The following SRGAP2 variants were observed in gnomAD, a reference collection of about 807,000 sequenced individuals.
SRGAP2 encodes SLIT-ROBO Rho GTPase activating protein 2.
SRGAP2 carries 15 observed loss-of-function variants against 57.2 expected under a neutral mutation model. The ratio of observed to expected loss-of-function variants is 0.26; its 90% CI spans 0.18 to 0.40. The LOEUF (loss-of-function observed/expected upper bound fraction) is 0.40. Ranked by LOEUF, SRGAP2 falls within the 10% of genes least tolerant of loss-of-function variation. The probability of loss-of-function intolerance (pLI) is 1.00; values close to 1 mark genes in which losing one functional copy is unlikely to be tolerated. For missense variants in SRGAP2, 520 were observed against 669.6 expected (o/e 0.78, Z 2.47); for synonymous variants, 249 against 248.0 (o/e 1.00, Z -0.04).
rs541550937 is a variant in SRGAP2 at position 206,434,912 on chromosome 1, T to G, written c.1556-2053T>G. Among the ~76,000 whole-genome samples the G allele has an allele frequency of 5.2e-4, 79 of 152,386 alleles. No individual in the cohort carries two copies. In the Middle Eastern group the frequency reaches 0.014, roughly 26 times the overall value. ...ACCAACTAGAACATAGTGAGTAGCC[T>G]GGTTTCCGAGATGACATTTGCTTAT... On this transcript the variant is annotated intron_variant, in intron 14 of 22. Coordinates refer to ENST00000573034, the MANE Select transcript of SRGAP2 (RefSeq NM_015326.5).
In SRGAP2 at chr1:206,429,139, G is replaced by A. The variant is rs143730863; in HGVS notation, c.1495-1023G>A. ...TTGCCTCCAGTCCCCTCCCCAGTCT[G>A]TAGAAGGCAAATTGAGGCCCAAAAA... On this transcript the variant is annotated intron_variant, in intron 13 of 22. Coordinates refer to ENST00000573034, the MANE Select transcript of SRGAP2 (RefSeq NM_015326.5). Among the ~76,000 whole-genome samples, 51 of 152,250 alleles carry A rather than the reference G, an allele frequency of 3.3e-4. No individual in the cohort carries two copies. In the South Asian group the frequency reaches 3.7e-3, roughly 11 times the overall value.
chr1:206,386,072 G>A (rs1656215670), intron 5 of SRGAP2, among the ~76,000 whole-genome samples: 1 of 152,190 alleles, frequency 6.6e-6, no homozygotes, highest in African/African-American at 2.4e-5. Context: ...TTTACCCCGA[G>A]AGGACATTTG....
intron 4 of SRGAP2, among the ~76,000 whole-genome samples, chr1:206,366,585 G>T (rs1654035228): frequency 6.6e-6 from 1 of 152,000 alleles, no homozygotes; most frequent in African/African-American, 2.4e-5. Flanking sequence ...TTTTCTTTTT[G>T]CGATAACTAC....
At chr1:206,256,260 C>G (rs1669176456) in intron 2 of SRGAP2, among the ~76,000 whole-genome samples, 1 of 152,094 alleles carries the variant, frequency 6.6e-6, no homozygotes, top group Non-Finnish European at 1.5e-5. Context: ...CTTTTCATTT[C>G]CCTTTGATTT....
chr1:206,443,796 G>T (rs199743416), intron 17 of SRGAP2, among the ~76,000 whole-genome samples: 1 of 151,032 alleles, frequency 6.6e-6, no homozygotes, highest in African/African-American at 2.4e-5. Context: ...AAAACTGTGT[G>T]CATTTATTTA....
At chr1:206,455,276 G>T (rs782533577) in intron 21 of SRGAP2, 1 of 531,202 alleles carries the variant, frequency 1.9e-6, no homozygotes, top group Non-Finnish European at 3.4e-6. Flanking sequence ...GTGTGTTCCC[G>T]CAGTGTCTGT....
In SRGAP2 at chr1:206,454,050, C is replaced by G. The variant is rs1663595692; in HGVS notation, c.2360+670C>G. ...CCGTGGGCCCACCCAAGCCTGCCCCCTGTCCGTTTGCCCTGTCTCTGTCCC... is the reference window on the plus strand; with the variant it reads ...CCGTGGGCCCACCCAAGCCTGCCCCGTGTCCGTTTGCCCTGTCTCTGTCCC... On this transcript the variant is annotated intron_variant, in intron 20 of 22. Coordinates refer to ENST00000573034, the MANE Select transcript of SRGAP2 (RefSeq NM_015326.5). This position sits in a 1 kb window ranked among gnomAD's most constrained non-coding sequence, Gnocchi z 4.3. 1.0e-5 allele frequency: 7 copies of G among 696,940 alleles called. No homozygotes were observed. In the South Asian group the frequency reaches 1.1e-4, roughly 10 times the overall value. 43.2% of individuals were successfully genotyped at this position (696,940 alleles called of 1,614,324 possible).
intron 4 of SRGAP2, among the ~76,000 whole-genome samples, chr1:206,372,964 C>CTTTT (rs1553342935): frequency 3.0e-4 from 7 of 23,296 alleles, no homozygotes; most frequent in Non-Finnish European, 3.8e-4. Context: ...TCTTTTCTTT[C>CTTTT]CTTTCTTTCT....
intron 3 of SRGAP2, chr1:206,333,249 G>C: frequency 1.1e-6 from 1 of 927,594 alleles, no homozygotes; most frequent in East Asian, 2.6e-5. Context: ...CGTCTTCTGC[G>C]TCGCTCACGC....
intron 2 of SRGAP2, among the ~76,000 whole-genome samples, chr1:206,290,303 G>A (rs1406726920): frequency 4.6e-5 from 7 of 152,028 alleles, no homozygotes; most frequent in Non-Finnish European, 7.4e-5. Context: ...CTTCTTTATC[G>A]AAAAGTTAAA....
At chr1:206,358,299 T>C (rs1356776591) in intron 4 of SRGAP2, among the ~76,000 whole-genome samples, 2 of 148,510 alleles carry the variant, frequency 1.3e-5, no homozygotes, top group East Asian at 4.1e-4. Flanking sequence ...CAAAGTTATG[T>C]TATGGTCAGA....
chr1:206,240,592 T>G (rs1553309003), intron 2 of SRGAP2, among the ~76,000 whole-genome samples: 1 of 152,024 alleles, frequency 6.6e-6, no homozygotes, highest in Non-Finnish European at 1.5e-5. Flanking sequence ...GAGCTAGAAA[T>G]GAAGTCATCC....
intron 4 of SRGAP2, among the ~76,000 whole-genome samples, chr1:206,382,769 C>CA (rs1419343211): frequency 6.7e-6 from 1 of 150,352 alleles, no homozygotes; most frequent in African/African-American, 2.4e-5. Flanking sequence ...AAAGTCCTTC[C>CA]TTTTTTTGCC....
At chr1:206,402,527 T>A (rs1273536943) in intron 8 of SRGAP2, among the ~76,000 whole-genome samples, 11 of 152,230 alleles carry the variant, frequency 7.2e-5, no homozygotes, top group African/African-American at 2.7e-4. Flanking sequence ...GTATAGGGCT[T>A]ATGCAATAGA....
rs1663618854 is a variant in SRGAP2 at position 206,454,274 on chromosome 1, G to A, written c.2361-604G>A. 9 of 689,288 alleles carry A rather than the reference G, an allele frequency of 1.3e-5. No individual in the cohort carries two copies. The highest frequency in any genetic ancestry group is 6.2e-5 in the Admixed American group (3 of 48,498). 42.7% of individuals were successfully genotyped at this position (689,288 alleles called of 1,614,324 possible). A position where few individuals can be genotyped will look rare whatever the true frequency, so the allele number is the denominator to read the frequency against. ...CGTGGACAGGACCCTCCCAAATTTA[G>A]CATTATGACTTCACCACAGGATCAA... On this transcript the variant is annotated intron_variant, in intron 20 of 22. Transcript: ENST00000573034. This position sits in a 1 kb window ranked among gnomAD's most constrained non-coding sequence, Gnocchi z 4.3.
At chr1:206,314,645 G>A (rs1199392694) in intron 3 of SRGAP2, among the ~76,000 whole-genome samples, 1 of 152,186 alleles carries the variant, frequency 6.6e-6, no homozygotes, top group Non-Finnish European at 1.5e-5. Context: ...AGAGGGGATG[G>A]TTGAAACTGT....
In SRGAP2 at chr1:206,420,572, A is replaced by G. The variant is rs1412307094; in HGVS notation, c.1470-678A>G. ...TCGTAGGATTCCAAAGGGGTTCCTC[A>G]GGAGTGGCCTGGTGGCAGGGGCAGA... On this transcript the variant is annotated intron_variant, in intron 12 of 22. Coordinates refer to ENST00000573034, the MANE Select transcript of SRGAP2 (RefSeq NM_015326.5). Among the ~76,000 whole-genome samples, 4 of 152,186 alleles carry G rather than the reference A, an allele frequency of 2.6e-5. No individual in the cohort carries two copies. In the East Asian group the frequency reaches 7.7e-4, roughly 29 times the overall value.
At chr1:206,347,544 T>C (rs1469564569) in intron 4 of SRGAP2, among the ~76,000 whole-genome samples, 1 of 150,442 alleles carries the variant, frequency 6.6e-6, no homozygotes, top group Non-Finnish European at 1.5e-5. Flanking sequence ...GCTGTTGCAC[T>C]TCAGTCTAGG....
chr1:206,328,387 A>T (rs1553330920), intron 3 of SRGAP2, among the ~76,000 whole-genome samples: 2 of 82,962 alleles, frequency 2.4e-5, no homozygotes, highest in Non-Finnish European at 2.3e-5. Context: ...CGCCACACTG[A>T]CTTCCACAAT....
Sources: gnomAD v4.1 joint callset for allele counts (sites outside exome capture counted in the v4.1 genomes callset) on GRCh38, gnomAD v4.1.1 for gene constraint, Gnocchi (gnomAD v3.1) non-coding constraint, MANE v1.5 for transcripts, NCBI Gene and HGNC (gene_info 2026-07-23, HGNC 2026-07-21) for gene names.